The following MED27 variants were observed in gnomAD, a reference collection of about 807,000 sequenced individuals.
The protein encoded by MED27 is mediator complex subunit 27.
In MED27, 30 loss-of-function variants were observed where a neutral mutation model predicts 38.2. The ratio of observed to expected loss-of-function variants is 0.79; its 90% CI spans 0.59 to 1.07. The LOEUF is 1.07. MED27 is among the 50% of genes least tolerant of loss of function. MED27 has a pLI of 0.00. For missense variants in MED27, 289 were observed against 397.5 expected (o/e 0.73, Z 2.32); for synonymous variants, 122 against 153.5 (o/e 0.79, Z 1.52).
At chr9:131,870,314 G>C (rs1838808118) in intron 6 of MED27, among the ~76,000 whole-genome samples, 1 of 152,198 alleles carries the variant, frequency 6.6e-6, no homozygotes. Context: ...TGTGAGCTGT[G>C]TGACCTTGGG....
chr9:131,884,537 CAG>C, intron 5 of MED27, among the ~76,000 whole-genome samples: 1 of 152,128 alleles, frequency 6.6e-6, no homozygotes, highest in East Asian at 1.9e-4. Flanking sequence ...GTCACCTTAT[CAG>C]AGAGGCATTT....
intron 4 of MED27, among the ~76,000 whole-genome samples, chr9:131,905,907 G>C (rs1479091556): frequency 1.3e-5 from 2 of 152,032 alleles, no homozygotes; most frequent in Non-Finnish European, 2.9e-5. Flanking sequence ...GTGCAGGCCA[G>C]GCATTAGGCA....
At chr9:132,001,079 G>A (rs1250790187) in intron 3 of MED27, among the ~76,000 whole-genome samples, 2 of 151,820 alleles carry the variant, frequency 1.3e-5, no homozygotes, top group Non-Finnish European at 2.9e-5. Context: ...CAGCCTGGGC[G>A]ACAAAGCAAC....
chr9:131,864,806 C>T (rs948828636), intron 6 of MED27, among the ~76,000 whole-genome samples: 2 of 152,266 alleles, frequency 1.3e-5, no homozygotes, highest in Non-Finnish European at 2.9e-5. Context: ...CTCTAAGCCT[C>T]AGTTTCCCCT....
intron 2 of MED27, among the ~76,000 whole-genome samples, chr9:132,056,483 A>G (rs1833580227): frequency 1.3e-5 from 2 of 152,350 alleles, no homozygotes; most frequent in Non-Finnish European, 2.9e-5. Context: ...CTCAAAATCC[A>G]AAATCCCAAA....
chr9:132,043,172 G>A (rs1472022107), intron 2 of MED27, among the ~76,000 whole-genome samples: 1 of 151,982 alleles, frequency 6.6e-6, no homozygotes. Context: ...ACAATGAGGA[G>A]GTATTACAGT....
chr9:131,953,814 A>G (rs1335516552), intron 3 of MED27, among the ~76,000 whole-genome samples: 1 of 138,844 alleles, frequency 7.2e-6, no homozygotes, highest in East Asian at 2.3e-4. Flanking sequence ...CTTCACTTTT[A>G]TATCTTTTTT....
chr9:132,026,852 A>G lies in MED27; in HGVS notation c.349-12385T>C, dbSNP rs369544215. Among the ~76,000 whole-genome samples the G allele has an allele frequency of 3.9e-5, 6 of 152,346 alleles. No individual in the cohort carries two copies. In the East Asian group the frequency reaches 1.2e-3, roughly 29 times the overall value. On this transcript the variant is annotated intron_variant, in intron 2 of 7. Transcript: ENST00000292035. ...ACCAGGTGCTATTCTAATTCATTTA[A>G]TTAATCTGTACAACCACCCTGTGAG...
rs567407409 is a variant in MED27 at position 131,862,304 on chromosome 9, G to A, written c.801+759C>T. 2.0e-5 allele frequency among the ~76,000 whole-genome samples: 3 copies of A among 152,092 alleles called. No individual in the cohort carries two copies. In the South Asian group the frequency reaches 6.2e-4, roughly 31 times the overall value. ...AGCATGAAGAAAACAGGGAGTCCCA[G>A]CAGCGGTGGATGATGGGGTCTGCTG... is the stretch of plus-strand genomic sequence containing the variant. On this transcript the variant is annotated intron_variant, in intron 7 of 7. Transcript: ENST00000292035. The surrounding 1 kb of genome is among the most constrained non-coding windows in gnomAD (Gnocchi z 4.6).
chr9:131,999,402 C>A (rs549693861), intron 3 of MED27, among the ~76,000 whole-genome samples: 1 of 152,158 alleles, frequency 6.6e-6, no homozygotes, highest in Non-Finnish European at 1.5e-5. Flanking sequence ...CTGGAAAAGT[C>A]TCTTGGTGTG....
At chr9:131,928,052 T>C (rs549835109) in intron 4 of MED27, among the ~76,000 whole-genome samples, 2 of 152,322 alleles carry the variant, frequency 1.3e-5, no homozygotes, top group South Asian at 2.1e-4. Context: ...TACACTCATA[T>C]ACCAAAAGCA....
At chr9:131,876,078 A>G (rs1838926644) in intron 6 of MED27, among the ~76,000 whole-genome samples, 1 of 152,134 alleles carries the variant, frequency 6.6e-6, no homozygotes, top group Non-Finnish European at 1.5e-5. Context: ...CTGGGCTTAG[A>G]GAGCGGATGG....
intron 5 of MED27, among the ~76,000 whole-genome samples, chr9:131,887,613 T>C (rs1353791244): frequency 1.1e-4 from 16 of 152,192 alleles, no homozygotes; most frequent in Non-Finnish European, 4.4e-5. Flanking sequence ...CAAGTGAATA[T>C]TTATTAGCTT....
chr9:132,017,132 GA>G (rs956680969), intron 2 of MED27, among the ~76,000 whole-genome samples: 8 of 152,132 alleles, frequency 5.3e-5, no homozygotes. Flanking sequence ...AATATTTACT[GA>G]ACCACCTTTA....
intron 4 of MED27, among the ~76,000 whole-genome samples, chr9:131,908,940 G>A (rs1830136241): frequency 6.6e-6 from 1 of 152,006 alleles, no homozygotes; most frequent in South Asian, 2.1e-4. Context: ...AGCCCAGAAG[G>A]TCTCAGCCTT....
At chr9:131,943,661 C>T (rs948839852) in intron 3 of MED27, among the ~76,000 whole-genome samples, 20 of 152,292 alleles carry the variant, frequency 1.3e-4, no homozygotes, top group Middle Eastern at 3.4e-3. Flanking sequence ...TGAGCAGACG[C>T]GGCGCGGAAA....
chr9:131,927,078 C>T (rs577012440), intron 4 of MED27, among the ~76,000 whole-genome samples: 11 of 152,260 alleles, frequency 7.2e-5, no homozygotes, highest in African/African-American at 2.4e-4. Flanking sequence ...GGATGTTAGG[C>T]GGTAGATTAA....
At position 131,992,531 on chromosome 9, in the gene MED27, G is replaced by A. The variant is rs574780080; in HGVS notation, c.479+21806C>T. On this transcript the variant is annotated intron_variant, in intron 3 of 7. Coordinates refer to ENST00000292035, the MANE Select transcript of MED27 (RefSeq NM_004269.4). ...TCCCTCCTCAGGCTCCCGAGTAGCTGGGACTATAGGCACGTGCCACCACAC... is the reference window on the plus strand; with the variant it reads ...TCCCTCCTCAGGCTCCCGAGTAGCTAGGACTATAGGCACGTGCCACCACAC... Among the ~76,000 whole-genome samples, 13 of 152,160 alleles carry A rather than the reference G, an allele frequency of 8.5e-5. No individual in the cohort carries two copies. In the South Asian group the frequency reaches 2.1e-3, roughly 24 times the overall value.
At chr9:132,050,424 C>T (rs974137404) in intron 2 of MED27, among the ~76,000 whole-genome samples, 2 of 152,054 alleles carry the variant, frequency 1.3e-5, no homozygotes, top group Non-Finnish European at 2.9e-5. Context: ...TGACACAGCC[C>T]GTGGGAAGAC....
Sources: allele counts gnomAD v4.1 joint callset (sites outside exome capture counted in the v4.1 genomes callset), GRCh38; gene constraint gnomAD v4.1.1; non-coding constraint Gnocchi (gnomAD v3.1); transcripts MANE v1.5; gene names NCBI Gene and HGNC (gene_info 2026-07-23, HGNC 2026-07-21).